Variants in HDAC9 observed in about 807,000 individuals in gnomAD.
HDAC9 encodes the protein histone deacetylase 9, also known as MEF-2 interacting transcription repressor (MITR) protein.
In HDAC9, 41 loss-of-function variants were observed where a neutral mutation model predicts 139.4. The ratio of observed to expected loss-of-function variants is 0.29; its 90% CI spans 0.23 to 0.38. HDAC9 has a LOEUF of 0.38. HDAC9 is among the 10% of genes least tolerant of loss of function. The pLI is 1.00. For synonymous variants in HDAC9, 517 were observed against 476.2 expected, an observed-to-expected ratio of 1.09 and a Z score of -1.12; for missense variants, 1,147 against 1,297.0, an observed-to-expected ratio of 0.88 and a Z score of 1.78.
At chr7:18,218,032 C>G (rs1463449832) in intron 2 of HDAC9, among the ~76,000 whole-genome samples, 4 of 152,154 alleles carry the variant, frequency 2.6e-5, no homozygotes, top group Admixed American at 2.6e-4. Flanking sequence ...TAGTTCCTCA[C>G]TGGCTATTGG....
Position 18,772,690 on chromosome 7 carries a change from C to T in HDAC9, c.2214+5535C>T, listed in dbSNP as rs145068654. Among the ~76,000 whole-genome samples, 823 of 152,140 alleles carry T rather than the reference C, an allele frequency of 5.4e-3. 6 individuals are homozygous for T. The highest frequency in any genetic ancestry group is 0.024 in the South Asian group (118 of 4,822). ...TCTTTTTTATATCTCCTCTTCCTAA[C>T]TGTATCTGGATTTTCATCAGCTTCA... On this transcript the variant is annotated intron_variant, in intron 16 of 25. Transcript: ENST00000686413.
intron 1 of HDAC9, among the ~76,000 whole-genome samples, chr7:18,353,153 G>A (rs912147128): frequency 1.3e-5 from 2 of 151,996 alleles, no homozygotes; most frequent in African/African-American, 4.8e-5. Flanking sequence ...CCTGTGTTAT[G>A]ATACAGGCAT....
chr7:18,225,096 C>T (rs929175629), intron 2 of HDAC9, among the ~76,000 whole-genome samples: 2 of 152,156 alleles, frequency 1.3e-5, no homozygotes, highest in African/African-American at 4.8e-5. Flanking sequence ...ATTTCTCTCT[C>T]TTTAGCAGGC....
chr7:18,935,956 A>T lies in HDAC9; in HGVS notation c.2937+14A>T. ...CTAGGAAATGAGGTAAAAAAGTAAA[A>T]GTACAAAGGGGCAGGGGTAAAGAAT... On this transcript the variant is annotated intron_variant, in intron 23 of 25. Coordinates refer to ENST00000686413, the MANE Select transcript of HDAC9 (RefSeq NM_178425.4). The T allele has an allele frequency of 6.2e-7, 1 of 1,610,252 alleles. No individual in the cohort carries two copies. The highest frequency in any genetic ancestry group is 8.5e-7 in the Non-Finnish European group (1 of 1,177,270).
At chr7:18,891,604 G>C (rs1053658238) in intron 22 of HDAC9, among the ~76,000 whole-genome samples, 1 of 152,134 alleles carries the variant, frequency 6.6e-6, no homozygotes, top group Non-Finnish European at 1.5e-5. Flanking sequence ...GGCAAGTCTG[G>C]CTTCTTAGTC....
At chr7:18,727,455 CT>C (rs764669355) in intron 12 of HDAC9, 124 bp from the exon 13 acceptor site, 4 of 690,158 alleles carry the variant, frequency 5.8e-6, no homozygotes, top group Non-Finnish European at 9.0e-6. Flanking sequence ...TTTTTTTTTT[CT>C]TTTTCCTTCA....
intron 6 of HDAC9, among the ~76,000 whole-genome samples, chr7:18,601,926 A>G (rs187537343): frequency 3.2e-3 from 486 of 152,290 alleles, no homozygotes; most frequent in African/African-American, 0.011. Context: ...ATCAATGGCT[A>G]TCTATTCCTA....
At chr7:18,634,781 T>A in intron 8 of HDAC9, 39 bp downstream of exon 8, 1 of 1,270,968 alleles carries the variant, frequency 7.9e-7, no homozygotes, top group Non-Finnish European at 1.1e-6. Context: ...AAAAACTGAA[T>A]TTCTGATTAG....
intron 4 of HDAC9, among the ~76,000 whole-genome samples, chr7:18,590,724 C>T (rs1830706321): frequency 6.6e-6 from 1 of 152,114 alleles, no homozygotes; most frequent in African/African-American, 2.4e-5. Flanking sequence ...GTGCTGATTT[C>T]TGTTGTTTTG....
intron 21 of HDAC9, among the ~76,000 whole-genome samples, chr7:18,870,626 G>A (rs1367651781): frequency 6.6e-6 from 1 of 152,036 alleles, no homozygotes; most frequent in Non-Finnish European, 1.5e-5. Context: ...CAAATATAAT[G>A]ATTGACAGCA....
intron 22 of HDAC9, among the ~76,000 whole-genome samples, chr7:18,895,570 G>A (rs1244845200): frequency 6.6e-6 from 1 of 152,100 alleles, no homozygotes; most frequent in African/African-American, 2.4e-5. Flanking sequence ...AGCTCATGAA[G>A]TGAGTCACTT....
chr7:18,262,101 T>C (rs1193268494), intron 2 of HDAC9, among the ~76,000 whole-genome samples: 1 of 152,236 alleles, frequency 6.6e-6, no homozygotes, highest in Non-Finnish European at 1.5e-5. Context: ...GGTTCCCTTA[T>C]TGTTTCTTTA....
intron 2 of HDAC9, among the ~76,000 whole-genome samples, chr7:18,498,967 A>T (rs757009800): frequency 6.6e-6 from 1 of 151,994 alleles, no homozygotes; most frequent in Non-Finnish European, 1.5e-5. Context: ...TGTTTTGATA[A>T]TCAGTTTGCC....
chr7:18,348,504 CT>C (rs1179395384), intron 1 of HDAC9, among the ~76,000 whole-genome samples: 1 of 152,076 alleles, frequency 6.6e-6, no homozygotes, highest in Non-Finnish European at 1.5e-5. Context: ...AAAAATACCA[CT>C]GTTTTTAGGC....
intron 1 of HDAC9, among the ~76,000 whole-genome samples, chr7:18,327,128 T>C (rs1167406785): frequency 2.6e-5 from 4 of 151,856 alleles, no homozygotes; most frequent in African/African-American, 9.7e-5. Flanking sequence ...ATTTGACTTA[T>C]TATTTATTGG....
chr7:18,259,958 C>G (rs896394749), intron 2 of HDAC9, among the ~76,000 whole-genome samples: 2 of 152,258 alleles, frequency 1.3e-5, no homozygotes, highest in East Asian at 3.9e-4. Flanking sequence ...ACAGTTTCCC[C>G]CATATCATAC....
At chr7:18,172,282 G>T (rs543862563) in intron 2 of HDAC9, among the ~76,000 whole-genome samples, 2 of 152,112 alleles carry the variant, frequency 1.3e-5, no homozygotes, top group Non-Finnish European at 2.9e-5. Flanking sequence ...ATTTCCGTGG[G>T]ATCGGTGGTG....
chr7:18,546,816 G>T (rs1174792513), intron 2 of HDAC9, among the ~76,000 whole-genome samples: 1 of 152,184 alleles, frequency 6.6e-6, no homozygotes, highest in Admixed American at 6.5e-5. Context: ...TCTCTCCGTT[G>T]TGTGTTTTGT....
chr7:18,732,013 TTGG>T (rs1195780400), intron 13 of HDAC9, among the ~76,000 whole-genome samples: 1 of 151,974 alleles, frequency 6.6e-6, no homozygotes, highest in Non-Finnish European at 1.5e-5. Flanking sequence ...CACTAAATAT[TTGG>T]TGAATATGAA....
Sources: allele counts gnomAD v4.1 joint callset (sites outside exome capture counted in the v4.1 genomes callset), GRCh38; gene constraint gnomAD v4.1.1; transcripts MANE v1.5; gene names NCBI Gene and HGNC (gene_info 2026-07-23, HGNC 2026-07-21).